HTT: variants seen among roughly 807,000 people sequenced by gnomAD.
HTT encodes huntingtin.
Under a neutral mutation model 362.3 loss-of-function variants are expected in HTT, and 104 were observed. The ratio of observed to expected loss-of-function variants is 0.29; its 90% CI spans 0.24 to 0.34. HTT has a LOEUF of 0.34. Among genes scored for constraint, HTT ranks in the 10% least tolerant of loss-of-function variants. The pLI is 1.00. For synonymous variants in HTT, 1,577 were observed against 1,548.7 expected, an observed-to-expected ratio of 1.02 and a Z score of -0.43; for missense variants, 3,301 against 3,928.6, an observed-to-expected ratio of 0.84 and a Z score of 4.27.
intron 1 of HTT, among the ~76,000 whole-genome samples, chr4:3,079,896 T>C (rs1323717526): frequency 6.6e-6 from 1 of 152,172 alleles, no homozygotes; most frequent in Non-Finnish European, 1.5e-5. Flanking sequence ...GACTGGATTT[T>C]GAATGCGGAA....
intron 1 of HTT, among the ~76,000 whole-genome samples, chr4:3,078,966 A>AC (rs1712729711): frequency 6.6e-6 from 1 of 152,020 alleles, no homozygotes; most frequent in African/African-American, 2.4e-5. Flanking sequence ...TGATCTCCTG[A>AC]CCTCGTCATC....
intron 21 of HTT, among the ~76,000 whole-genome samples, chr4:3,139,010 A>T (rs1398666562): frequency 6.6e-6 from 1 of 152,250 alleles, no homozygotes; most frequent in Non-Finnish European, 1.5e-5. Flanking sequence ...TAATCTTTGT[A>T]ATCAAACTAC....
chr4:3,195,479 G>A (rs1441288733), intron 40 of HTT, among the ~76,000 whole-genome samples: 4 of 151,592 alleles, frequency 2.6e-5, no homozygotes, highest in African/African-American at 4.9e-5. Flanking sequence ...CTCTTCCCCT[G>A]AGTCCCTTTG....
chr4:3,216,976 G>A (rs1330253448), intron 51 of HTT, among the ~76,000 whole-genome samples: 1 of 150,150 alleles, frequency 6.7e-6, no homozygotes, highest in Non-Finnish European at 1.5e-5. Flanking sequence ...AGTGAGCCGA[G>A]ATCCCGCCAC....
intron 41 of HTT, among the ~76,000 whole-genome samples, chr4:3,201,195 A>G (rs966798599): frequency 2.0e-5 from 3 of 152,198 alleles, no homozygotes; most frequent in Admixed American, 6.5e-5. Flanking sequence ...GTTTTCCTTT[A>G]TAACCTTCTG....
At chr4:3,159,907 G>T (rs1717354149) in intron 28 of HTT, among the ~76,000 whole-genome samples, 1 of 152,084 alleles carries the variant, frequency 6.6e-6, no homozygotes, top group South Asian at 2.1e-4. Context: ...TTCTCCCAGG[G>T]ATCCTAGTGT....
At chr4:3,076,903 C>T (rs1712583464) in intron 1 of HTT, among the ~76,000 whole-genome samples, 1 of 152,168 alleles carries the variant, frequency 6.6e-6, no homozygotes, top group Admixed American at 6.5e-5. Flanking sequence ...TCAGGACTGG[C>T]AAGGTGGCTT....
At chr4:3,090,940 T>A (rs57792935) in intron 2 of HTT, among the ~76,000 whole-genome samples, 5,807 of 152,226 alleles carry the variant, frequency 0.038, 342 homozygotes, top group African/African-American at 0.13. Flanking sequence ...GGTGAAACAC[T>A]GCCTCTACTA....
Position 3,134,329 on chromosome 4 carries a change from C to G in HTT, c.2494-72C>G, listed in dbSNP as rs1715962231. On this transcript the variant is annotated intron_variant, in intron 18 of 66. Coordinates refer to ENST00000355072, the MANE Select transcript of HTT (RefSeq NM_001388492.1). Reference sequence around the variant, plus strand: ...CATTGTGTGTTGAAGAGTGACGGTTCTCAAACCGTCAAGACGCGGGTACTG... The same window carrying G: ...CATTGTGTGTTGAAGAGTGACGGTTGTCAAACCGTCAAGACGCGGGTACTG... 1.5e-5 allele frequency: 21 copies of G among 1,383,332 alleles called. No homozygotes were observed. The Admixed American group carries it at 1.7e-4, about 11-fold the overall frequency. The allele number at this position is 1,383,332 out of a possible 1,614,324, so 85.7% of individuals were successfully genotyped here.
chr4:3,103,580 T>C (rs1714268813), intron 3 of HTT, among the ~76,000 whole-genome samples: 1 of 152,240 alleles, frequency 6.6e-6, no homozygotes, highest in African/African-American at 2.4e-5. Context: ...TATGTAGTAT[T>C]TGATGATAAT....
chr4:3,229,160 G>A (rs1296467546), intron 59 of HTT, 151 bp downstream of exon 59: 23 of 702,034 alleles, frequency 3.3e-5, no homozygotes, highest in Admixed American at 1.9e-4. Context: ...ACGCACCATA[G>A]ACACCACACA....
intron 23 of HTT, 64 bp downstream of exon 23, chr4:3,142,950 G>T: frequency 7.4e-7 from 1 of 1,349,404 alleles, no homozygotes; most frequent in Non-Finnish European, 1.1e-6. Context: ...TGTATGGCCA[G>T]TTAGTTGTAT....
chr4:3,186,080 C>A (rs1436324370), intron 37 of HTT, among the ~76,000 whole-genome samples: 3 of 151,892 alleles, frequency 2.0e-5, no homozygotes, highest in Admixed American at 1.3e-4. Flanking sequence ...TAAAACAAAA[C>A]CTCTGTGGGT....
chr4:3,130,996 G>A (rs145716413), intron 14 of HTT, among the ~76,000 whole-genome samples: 13 of 152,038 alleles, frequency 8.6e-5, no homozygotes, highest in South Asian at 6.2e-4. Context: ...TGCAGCAGCC[G>A]TTCCTGAATG....
chr4:3,208,841 C>G lies in HTT; in HGVS notation c.6221C>G (p.Ser2074Cys), dbSNP rs766377135. ...ACCATGCAAGACTCACTTAGTCCCT[C>G]TCCTCCAGTCTCTTCCCACCCGCTG... is the stretch of plus-strand genomic sequence containing the variant. ...LSTMQDSLSP[S>C]PPVSSHPLDG... The change falls in exon 46 of 67, where the codon TCT becomes TGT. Residue 2074 changes from serine to cysteine, a missense_variant. Transcript: ENST00000355072. The G allele has an allele frequency of 1.2e-6, 2 of 1,614,176 alleles. No individual in the cohort carries two copies. The highest frequency in any genetic ancestry group is 1.7e-6 in the Non-Finnish European group (2 of 1,179,992).
intron 47 of HTT, 38 bp from the exon 48 acceptor site, chr4:3,211,891 T>C: frequency 7.0e-7 from 1 of 1,420,568 alleles, no homozygotes; most frequent in Non-Finnish European, 1.0e-6. Context: ...TCATAATCTG[T>C]TGTTATTGTT....
At chr4:3,224,691 T>C (rs1430012907) in intron 56 of HTT, among the ~76,000 whole-genome samples, 1 of 152,236 alleles carries the variant, frequency 6.6e-6, no homozygotes, top group Admixed American at 6.5e-5. Flanking sequence ...CGTTTTTCAC[T>C]CAAAAGTATT....
intron 23 of HTT, 135 bp from the exon 24 acceptor site, chr4:3,145,017 G>C (rs1285797954): frequency 2.8e-6 from 2 of 713,558 alleles, no homozygotes; most frequent in Admixed American, 2.2e-5. Context: ...TGGTGGGACA[G>C]ATATCCTGTG....
At chr4:3,109,884 G>T (rs894486736) in intron 6 of HTT, among the ~76,000 whole-genome samples, 1 of 151,984 alleles carries the variant, frequency 6.6e-6, no homozygotes, top group African/African-American at 2.4e-5. Flanking sequence ...TGCTGGGGAC[G>T]GGGGGGCCAC....
Sources: gnomAD v4.1 joint callset for allele counts (sites outside exome capture counted in the v4.1 genomes callset) on GRCh38, gnomAD v4.1.1 for gene constraint, MANE v1.5 for transcripts, NCBI Gene and HGNC (gene_info 2026-07-23, HGNC 2026-07-21) for gene names.